Variants in SRPX2 observed in about 807,000 individuals in gnomAD.
The protein encoded by SRPX2 is sushi repeat containing protein X-linked 2.
A neutral mutation model predicts 45.3 loss-of-function variants in SRPX2; 26 were observed. That is an observed-to-expected ratio of 0.57 (90% CI 0.42 to 0.80). The LOEUF is 0.80. Ranked by LOEUF, SRPX2 falls within the 30% of genes least tolerant of loss-of-function variation. The pLI is 0.00. For synonymous variants in SRPX2, 125 were observed against 143.7 expected (o/e 0.87, Z 0.93); for missense variants, 355 against 399.8 (o/e 0.89, Z 0.95).
intron 3 of SRPX2, among the ~76,000 whole-genome samples, chrX:100,652,443 TTAGA>T (rs1187584209): frequency 8.9e-6 from 1 of 111,827 alleles, no homozygotes; most frequent in African/African-American, 3.3e-5. Flanking sequence ...AGTCATCAGC[TTAGA>T]TAGATGGGTT....
chrX:100,661,937 T>G (rs1165527955), intron 3 of SRPX2, among the ~76,000 whole-genome samples: 2 of 97,893 alleles, frequency 2.0e-5, no homozygotes, highest in Non-Finnish European at 4.1e-5. Context: ...GGTGGGGTTT[T>G]TTTTTTTTTT....
At chrX:100,669,422 G>GCC in intron 10 of SRPX2, 53 bp downstream of exon 10, 1 of 319,095 alleles carries the variant, frequency 3.1e-6, no homozygotes, top group Non-Finnish European at 6.2e-6. Flanking sequence ...GGGGCGGGGG[G>GCC]AGAAACCCTA....
At chrX:100,664,015 G>A (rs1357549787) in intron 4 of SRPX2, among the ~76,000 whole-genome samples, 1 of 111,704 alleles carries the variant, frequency 9.0e-6, no homozygotes, top group Non-Finnish European at 1.9e-5. Context: ...AGCATTTGAG[G>A]AATAAGAGAC....
In SRPX2 at chrX:100,649,172, TC is replaced by T. The variant is rs913726116; in HGVS notation, c.83-1611del. On this transcript the variant is annotated intron_variant, in intron 2 of 10. Transcript: ENST00000373004. Reference sequence around the variant, plus strand: ...CACAGGGCTCTGACACTCCTGACACTCCTGTTTTCTCTTCTGTTAAACAGTC... The same window carrying T: ...CACAGGGCTCTGACACTCCTGACACTCTGTTTTCTCTTCTGTTAAACAGTC... The T allele has an allele frequency of 8.0e-5, 9 of 112,251 alleles. No homozygotes were observed. In the Admixed American group the frequency reaches 8.5e-4, roughly 11 times the overall value. 9.3% of individuals were successfully genotyped at this position (112,251 alleles called of 1,213,427 possible).
intron 1 of SRPX2, among the ~76,000 whole-genome samples, chrX:100,645,619 C>T (rs990569914): frequency 5.3e-5 from 6 of 112,182 alleles, no homozygotes; most frequent in Non-Finnish European, 9.4e-5. Context: ...CTGTCCAATA[C>T]AAAGTTGGTA....
intron 3 of SRPX2, among the ~76,000 whole-genome samples, chrX:100,656,024 C>T (rs754895187): frequency 9.2e-5 from 10 of 108,757 alleles, no homozygotes; most frequent in East Asian, 2.9e-4. Flanking sequence ...CTACGGCACC[C>T]GGCTAATTTT....
At chrX:100,646,508 A>T (rs2083136064) in intron 2 of SRPX2, 104 bp downstream of exon 2, 5 of 781,998 alleles carry the variant, frequency 6.4e-6, no homozygotes, top group Non-Finnish European at 9.7e-6. Context: ...CTTATTTTCT[A>T]TACAGAGAAG....
chrX:100,665,959 T>G (rs956099826), intron 7 of SRPX2, among the ~76,000 whole-genome samples: 7 of 112,437 alleles, frequency 6.2e-5, no homozygotes, highest in Non-Finnish European at 1.1e-4. Flanking sequence ...AATGATCACA[T>G]GTAATCAGCC....
Position 100,667,292 on chromosome X carries a change from A to C in SRPX2, c.980A>C (p.Asn327Thr). The change falls in exon 9 of 11, where the codon AAC becomes ACC. Residue 327 changes from asparagine to threonine, a missense_variant. By Grantham distance (65) the Asn-to-Thr change is moderately conservative. Transcript: ENST00000373004. Reference protein sequence around the residue: ...PICAPMKINVNVNSAAGLLDQ... With the variant: ...PICAPMKINVTVNSAAGLLDQ... ...GCCCTAGCTATGAAGATTAACGTCA[A>C]CGTCAACTCAGCTGCTGGTCTCTTG... 3 of 1,211,660 alleles carry C rather than the reference A, an allele frequency of 2.5e-6. No homozygotes were observed. Among genetic ancestry groups the C allele is most frequent in the Non-Finnish European group, 3.4e-6 (3 of 895,488 alleles).
At chrX:100,662,086 A>G (rs2083189996) in intron 3 of SRPX2, 90 bp from the exon 4 acceptor site, 3 of 975,832 alleles carry the variant, frequency 3.1e-6, no homozygotes, top group Non-Finnish European at 4.3e-6. Context: ...TGGGCTCTCT[A>G]TTTTTTTCCA....
At chrX:100,666,152 A>C (rs1223432350) in intron 7 of SRPX2, among the ~76,000 whole-genome samples, 1 of 112,351 alleles carries the variant, frequency 8.9e-6, no homozygotes, top group Non-Finnish European at 1.9e-5. Flanking sequence ...CATCATCCAG[A>C]GGCAACTGCT....
Position 100,675,289 on chromosome X carries a change from C to T in SRPX2, c.*4302C>T, listed in dbSNP as rs768937564. The T allele has an allele frequency of 2.7e-5, 3 of 112,433 alleles. No homozygotes were observed. The highest frequency in any genetic ancestry group is 3.8e-4 in the South Asian group (1 of 2,659). 9.3% of individuals were successfully genotyped at this position (112,433 alleles called of 1,213,427 possible). ...GCTAGAAGCTCTCACTGGGCATCCT[C>T]GTGATTTAGTCAAAATACATTATCT... is the stretch of plus-strand genomic sequence containing the variant. On this transcript the variant is annotated 3_prime_UTR_variant, in exon 11 of 11. Coordinates refer to ENST00000373004, the MANE Select transcript of SRPX2 (RefSeq NM_014467.3).
chrX:100,650,953 C>T (rs2147640780), intron 3 of SRPX2, 88 bp downstream of exon 3: 1 of 743,085 alleles, frequency 1.3e-6, no homozygotes, highest in African/African-American at 2.1e-5. Flanking sequence ...TCAGGCTTGG[C>T]TCACATGTGT....
intron 3 of SRPX2, among the ~76,000 whole-genome samples, chrX:100,653,581 T>C (rs1236219242): frequency 8.9e-6 from 1 of 112,048 alleles, no homozygotes; most frequent in Non-Finnish European, 1.9e-5. Flanking sequence ...CTTCCCAGAC[T>C]GACAACTTCC....
At position 100,672,603 on chromosome X, in the gene SRPX2, C is replaced by G. The variant is rs966322347; in HGVS notation, c.*1616C>G. On this transcript the variant is annotated 3_prime_UTR_variant, in exon 11 of 11. Transcript: ENST00000373004. ...GGATTTCAACACCAGCAGCCTGGCT[C>G]TAGAGGCAATGTTCTTCTTAGACAT... 8.9e-6 allele frequency: 1 copy of G among 112,057 alleles called. No individual in the cohort carries two copies. The highest frequency in any genetic ancestry group is 1.9e-5 in the Non-Finnish European group (1 of 53,281). 9.2% of individuals were successfully genotyped at this position (112,057 alleles called of 1,213,427 possible).
chrX:100,669,158 T>C, intron 9 of SRPX2, 90 bp from the exon 10 acceptor site: 3 of 1,163,053 alleles, frequency 2.6e-6, no homozygotes, highest in Non-Finnish European at 3.5e-6. Context: ...TTTCCCACAC[T>C]GCTTCATATG....
At chrX:100,659,474 C>T (rs1227607355) in intron 3 of SRPX2, among the ~76,000 whole-genome samples, 1 of 111,642 alleles carries the variant, frequency 9.0e-6, no homozygotes, top group African/African-American at 3.3e-5. Flanking sequence ...ACTATGGGAG[C>T]GATATAGAAT....
chrX:100,669,154 A>C (rs2083214234), intron 9 of SRPX2, 94 bp from the exon 10 acceptor site: 2 of 1,148,531 alleles, frequency 1.7e-6, no homozygotes, highest in Admixed American at 4.4e-5. Context: ...CTCCTTTCCC[A>C]CACTGCTTCA....
At chrX:100,665,210 C>T in intron 5 of SRPX2, 33 bp from the exon 6 acceptor site, 18 of 1,207,270 alleles carry the variant, frequency 1.5e-5, no homozygotes, top group Non-Finnish European at 2.0e-5. Context: ...GCAAGGGGCC[C>T]ACGAGTCAGC....
Sources: allele counts gnomAD v4.1 joint callset (sites outside exome capture counted in the v4.1 genomes callset), GRCh38; gene constraint gnomAD v4.1.1; transcripts MANE v1.5; gene names NCBI Gene and HGNC (gene_info 2026-07-23, HGNC 2026-07-21).